BTD: variants seen among roughly 807,000 people sequenced by gnomAD.
BTD encodes biotinidase.
Under a neutral mutation model 17.7 loss-of-function variants are expected in BTD, and 13 were observed. That is an observed-to-expected ratio of 0.74 (90% CI 0.48 to 1.17). The LOEUF (loss-of-function observed/expected upper bound fraction) is 1.17, where lower values mean the gene tolerates loss of function less well. BTD is among the 50% of genes most tolerant of loss of function. The pLI is 0.00. For missense variants in BTD, 674 were observed against 650.4 expected (o/e 1.04, Z -0.39); for synonymous variants, 240 against 245.2 (o/e 0.98, Z 0.20).
intron 3 of BTD, among the ~76,000 whole-genome samples, chr3:15,667,039 C>T (rs1018822975): frequency 6.6e-6 from 1 of 152,200 alleles, no homozygotes; most frequent in African/African-American, 2.4e-5. Flanking sequence ...CCCATTCCCA[C>T]TCCCAAGTAT....
At chr3:15,661,591 T>C (rs2065926085) in intron 3 of BTD, among the ~76,000 whole-genome samples, 1 of 152,222 alleles carries the variant, frequency 6.6e-6, no homozygotes, top group Non-Finnish European at 1.5e-5. Flanking sequence ...CCTCCCAGTC[T>C]ATGGCTTGCC....
chr3:15,706,264 C>T lies in BTD; in HGVS notation c.400-3796C>T, dbSNP rs188837802. 8.1e-3 allele frequency among the ~76,000 whole-genome samples: 1,232 copies of T among 151,686 alleles called. 15 individuals are homozygous for T. The highest frequency in any genetic ancestry group is 0.011 in the Non-Finnish European group (776 of 67,804). Reference sequence around the variant, plus strand: ...CTCCTCCCCACCCCATGACAGGCCCCGGTGTGTGATGTTCCCCTTCCTGTG... The same window carrying T: ...CTCCTCCCCACCCCATGACAGGCCCTGGTGTGTGATGTTCCCCTTCCTGTG... On this transcript the variant is annotated intron_variant, in intron 3 of 3. Transcript: ENST00000672141.
At chr3:15,693,037 G>C (rs541093183) in intron 3 of BTD, among the ~76,000 whole-genome samples, 4 of 152,268 alleles carry the variant, frequency 2.6e-5, no homozygotes, top group African/African-American at 9.6e-5. Flanking sequence ...CTTAAATGAG[G>C]TGTCTAGATT....
rs114674512 is a variant in BTD, at chr3:15,683,172, A to G, written c.400-26888A>G. On this transcript the variant is annotated intron_variant, in intron 3 of 3. Coordinates refer to the BTD transcript ENST00000672141. Reference sequence around the variant, plus strand: ...AATATCTCACTGTGTGATTTTTCCAATGGTTAATCTTCAGGGATATATTTT... The same window carrying G: ...AATATCTCACTGTGTGATTTTTCCAGTGGTTAATCTTCAGGGATATATTTT... Among the ~76,000 whole-genome samples, 884 of 152,214 alleles carry G rather than the reference A, an allele frequency of 5.8e-3. 6 individuals carry two copies. Among genetic ancestry groups the G allele is most frequent in the African/African-American group, 0.02 (843 of 41,480 alleles).
chr3:15,619,657 T>A (rs997894520), intron 1 of BTD, among the ~76,000 whole-genome samples: 1 of 152,248 alleles, frequency 6.6e-6, no homozygotes, highest in East Asian at 1.9e-4. Context: ...TAAGGATTAT[T>A]GCATCTATAT....
intron 3 of BTD, among the ~76,000 whole-genome samples, chr3:15,689,098 A>T (rs193125491): frequency 1.2e-4 from 19 of 152,362 alleles, no homozygotes; most frequent in Admixed American, 6.5e-4. Context: ...CTGAGAATAC[A>T]ATCATTTTAC....
At chr3:15,710,978 G>C (rs891929760) in exon 4 of BTD, among the ~76,000 whole-genome samples, 1 of 152,114 alleles carries the variant, frequency 6.6e-6, no homozygotes, top group African/African-American at 2.4e-5. Context: ...ACAGAAGGCA[G>C]TATTTCCTTT....
intron 1 of BTD, among the ~76,000 whole-genome samples, chr3:15,610,285 A>G (rs1441439079): frequency 6.6e-6 from 1 of 152,252 alleles, no homozygotes; most frequent in East Asian, 1.9e-4. Context: ...TCAGCAGGCT[A>G]GCTGGACTTC....
At chr3:15,679,713 T>C (rs1559320993) in intron 3 of BTD, 2 of 654,160 alleles carry the variant, frequency 3.1e-6, no homozygotes, top group Non-Finnish European at 5.2e-6. Context: ...CATTGGTAGC[T>C]GTTAAGCCAC....
At chr3:15,696,075 G>C in intron 3 of BTD, 1 of 1,147,662 alleles carries the variant, frequency 8.7e-7, no homozygotes, top group Non-Finnish European at 1.2e-6. Flanking sequence ...TCTCATTTTT[G>C]TTACATTATT....
intron 1 of BTD, among the ~76,000 whole-genome samples, chr3:15,614,958 G>A (rs2064752756): frequency 6.6e-6 from 1 of 152,134 alleles, no homozygotes; most frequent in African/African-American, 2.4e-5. Context: ...ATCAACTTCA[G>A]TGTACTTATT....
intron 2 of BTD, among the ~76,000 whole-genome samples, chr3:15,637,662 A>T (rs1025690138): frequency 6.6e-6 from 1 of 152,170 alleles, no homozygotes. Context: ...TCCTGATGAC[A>T]CTGATCTCCT....
At chr3:15,603,200 CT>C (rs886620960) in intron 1 of BTD, among the ~76,000 whole-genome samples, 3 of 152,226 alleles carry the variant, frequency 2.0e-5, no homozygotes, top group Admixed American at 6.5e-5. Context: ...TGTTCTGCCC[CT>C]GGCCCCTCCC....
chr3:15,707,966 C>T, intron 3 of BTD: 1 of 1,612,934 alleles, frequency 6.2e-7, no homozygotes. Flanking sequence ...CAGGGGTGTG[C>T]AGCCTCTTTC....
chr3:15,669,599 A>C (rs896541201), intron 3 of BTD: 4 of 152,176 alleles, frequency 2.6e-5, no homozygotes, highest in Non-Finnish European at 4.4e-5. Context: ...TAGTTCTGTA[A>C]AAGAAAAAAA....
At chr3:15,708,623 T>A (rs559220795) in intron 3 of BTD, among the ~76,000 whole-genome samples, 2 of 152,312 alleles carry the variant, frequency 1.3e-5, no homozygotes, top group African/African-American at 4.8e-5. Flanking sequence ...TAAACTGGAT[T>A]AAAGTATAAT....
chr3:15,666,004 T>A (rs1013052924), intron 3 of BTD, among the ~76,000 whole-genome samples: 2 of 152,000 alleles, frequency 1.3e-5, no homozygotes, highest in Non-Finnish European at 2.9e-5. Context: ...CAACTTAGAT[T>A]TGGGGTGGTT....
chr3:15,712,329 A>G, exon 4 of BTD: 1 of 865,872 alleles, frequency 1.2e-6, no homozygotes, highest in Non-Finnish European at 1.8e-6. Context: ...CTAAGAGCCA[A>G]AATGTCTAAC....
At chr3:15,623,945 T>C (rs370956048) in intron 1 of BTD, among the ~76,000 whole-genome samples, 18 of 152,236 alleles carry the variant, frequency 1.2e-4, no homozygotes, top group African/African-American at 3.1e-4. Context: ...CAGCTTCAGG[T>C]AGTTCTTTAT....
Sources: allele counts gnomAD v4.1 joint callset (sites outside exome capture counted in the v4.1 genomes callset), GRCh38; gene constraint gnomAD v4.1.1; transcripts MANE v1.5; gene names NCBI Gene and HGNC (gene_info 2026-07-23, HGNC 2026-07-21).